PTPRN2: variants seen among roughly 807,000 people sequenced by gnomAD.
PTPRN2 encodes the protein receptor-type tyrosine-protein phosphatase N2.
Under a neutral mutation model 118.8 loss-of-function variants are expected in PTPRN2, and 74 were observed. The observed-to-expected ratio is 0.62, with a 90% CI of 0.52 to 0.76. PTPRN2 has a LOEUF of 0.76. Among genes scored for constraint, PTPRN2 ranks in the 30% least tolerant of loss-of-function variants. PTPRN2 has a pLI of 0.00. For missense variants in PTPRN2, 1,481 were observed against 1,394.4 expected, an observed-to-expected ratio of 1.06 and a Z score of -0.99; for synonymous variants, 641 against 608.0, an observed-to-expected ratio of 1.05 and a Z score of -0.80.
At chr7:158,060,626 C>G (rs764820072) in intron 11 of PTPRN2, among the ~76,000 whole-genome samples, 1 of 152,228 alleles carries the variant, frequency 6.6e-6, no homozygotes, top group Non-Finnish European at 1.5e-5. Context: ...CCACAGGTAG[C>G]AGGGGTTAGG....
At chr7:157,580,060 G>A (rs1800265827) in intron 17 of PTPRN2, among the ~76,000 whole-genome samples, 1 of 152,202 alleles carries the variant, frequency 6.6e-6, no homozygotes, top group Non-Finnish European at 1.5e-5. Context: ...TCCCAGTCGA[G>A]TAAGGTTCAA....
chr7:157,860,967 G>T (rs1810190263), intron 12 of PTPRN2, among the ~76,000 whole-genome samples: 1 of 152,254 alleles, frequency 6.6e-6, no homozygotes, highest in African/African-American at 2.4e-5. Context: ...CTGGCCCAAA[G>T]TTAATTAAAA....
In PTPRN2 at chr7:157,903,660, A is replaced by T. The variant is rs10282514; in HGVS notation, c.1724-4923T>A. On this transcript the variant is annotated intron_variant, in intron 11 of 22. Coordinates refer to ENST00000389418, the MANE Select transcript of PTPRN2 (RefSeq NM_002847.5). The surrounding 1 kb of genome is among the most constrained non-coding windows in gnomAD (Gnocchi z 4.2). ...TTTTTCTTTTTCCTTTTTTTTTTTTATACTAAAAGGTTTTAAGAGAGTACA... is the reference window on the plus strand; with the variant it reads ...TTTTTCTTTTTCCTTTTTTTTTTTTTTACTAAAAGGTTTTAAGAGAGTACA... 5.8e-4 allele frequency among the ~76,000 whole-genome samples: 87 copies of T among 148,778 alleles called. No homozygotes were observed. Among genetic ancestry groups the T allele is most frequent in the African/African-American group, 7.2e-4 (29 of 40,490 alleles).
chr7:158,268,684 A>G (rs1379392196), intron 3 of PTPRN2, among the ~76,000 whole-genome samples: 1 of 138,340 alleles, frequency 7.2e-6, no homozygotes, highest in Non-Finnish European at 1.5e-5. Flanking sequence ...GTGTGCACAC[A>G]GAGAGGGTGT....
Position 158,169,678 on chromosome 7 carries a change from G to A in PTPRN2, c.550-2387C>T, listed in dbSNP as rs550877083. 6.6e-5 allele frequency among the ~76,000 whole-genome samples: 10 copies of A among 151,976 alleles called. No homozygotes were observed. The East Asian group carries it at 7.8e-4, about 12-fold the overall frequency. On this transcript the variant is annotated intron_variant, in intron 5 of 22. Coordinates refer to ENST00000389418, the MANE Select transcript of PTPRN2 (RefSeq NM_002847.5). The stretch of plus-strand genomic sequence containing the variant: ...TTTTCTTCTGTCAAAAAAGGAAATC[G>A]GACATTATCTCTAAGATTTTTTTTT...
intron 6 of PTPRN2, among the ~76,000 whole-genome samples, chr7:158,153,659 T>A (rs1292313552): frequency 6.6e-6 from 1 of 152,170 alleles, no homozygotes; most frequent in Non-Finnish European, 1.5e-5. Context: ...GTGCCACAGA[T>A]ATGCAGGGTC....
chr7:158,286,663 G>A (rs1472594554), intron 3 of PTPRN2, among the ~76,000 whole-genome samples: 1 of 152,144 alleles, frequency 6.6e-6, no homozygotes, highest in African/African-American at 2.4e-5. Context: ...TAATAGAGTT[G>A]CATATATTGA....
At position 158,192,510 on chromosome 7, in the gene PTPRN2, G is replaced by C. The variant is rs1825855966; in HGVS notation, c.381-15C>G. 1 of 1,571,004 alleles carries C rather than the reference G, an allele frequency of 6.4e-7. No homozygotes were observed. Among genetic ancestry groups the C allele is most frequent in the South Asian group, 1.2e-5 (1 of 85,020 alleles). ...GTTTTGAGGGCCTGAAAAAGCAAAAGAAACCAGACATCAACCGCATGTTTG... is the reference window on the plus strand; with the variant it reads ...GTTTTGAGGGCCTGAAAAAGCAAAACAAACCAGACATCAACCGCATGTTTG... On this transcript the variant is annotated splice_polypyrimidine_tract_variant and intron_variant, in intron 4 of 22. Coordinates refer to ENST00000389418, the MANE Select transcript of PTPRN2 (RefSeq NM_002847.5).
At chr7:158,101,747 C>T (rs1815244721) in intron 10 of PTPRN2, among the ~76,000 whole-genome samples, 1 of 152,204 alleles carries the variant, frequency 6.6e-6, no homozygotes, top group African/African-American at 2.4e-5. Context: ...CACAGTAGTG[C>T]ACCCGTCAGC....
chr7:158,198,741 T>C (rs886675651), intron 4 of PTPRN2, among the ~76,000 whole-genome samples: 17 of 113,278 alleles, frequency 1.5e-4, no homozygotes, highest in Admixed American at 2.7e-4. Context: ...TAGCATGTTC[T>C]TCTCAGGTTC....
rs941497787 is a variant in PTPRN2 at position 158,517,818 on chromosome 7, C to T, written c.113-28033G>A. Among the ~76,000 whole-genome samples the T allele has an allele frequency of 6.6e-6, 1 of 152,162 alleles. No homozygotes were observed. The highest frequency in any genetic ancestry group is 1.5e-5 in the Non-Finnish European group (1 of 68,040). On this transcript the variant is annotated intron_variant, in intron 1 of 22. Coordinates refer to ENST00000389418, the MANE Select transcript of PTPRN2 (RefSeq NM_002847.5). This position sits in a 1 kb window ranked among gnomAD's most constrained non-coding sequence, Gnocchi z 5.3. Reference sequence around the variant, plus strand: ...GCAGGCCTCCCCAGGCACCTCCATCCCCTTCGTCACACATCCCACACACCC... The same window carrying T: ...GCAGGCCTCCCCAGGCACCTCCATCTCCTTCGTCACACATCCCACACACCC...
intron 3 of PTPRN2, among the ~76,000 whole-genome samples, chr7:158,293,464 T>C (rs1287844767): frequency 6.6e-6 from 1 of 151,702 alleles, no homozygotes; most frequent in African/African-American, 2.4e-5. Context: ...TAATCCCAGG[T>C]ACTCGGGAGG....
chr7:157,931,598 TG>T (rs1224161090), intron 11 of PTPRN2, among the ~76,000 whole-genome samples: 1 of 152,186 alleles, frequency 6.6e-6, no homozygotes, highest in Non-Finnish European at 1.5e-5. Flanking sequence ...CACAAGCCTC[TG>T]GGGGCTTCAG....
chr7:157,566,567 G>A (rs1585040882), intron 21 of PTPRN2, among the ~76,000 whole-genome samples: 1 of 152,320 alleles, frequency 6.6e-6, no homozygotes, highest in East Asian at 1.9e-4. Flanking sequence ...AGAGGAGCAG[G>A]TCAAGAACAG....
intron 11 of PTPRN2, among the ~76,000 whole-genome samples, chr7:157,985,497 C>T (rs756726857): frequency 3.3e-5 from 5 of 152,210 alleles, no homozygotes; most frequent in Non-Finnish European, 7.3e-5. Context: ...AGACATATCA[C>T]ACTATGTCAC....
At chr7:158,164,248 C>A (rs1384282573) in intron 6 of PTPRN2, among the ~76,000 whole-genome samples, 1 of 150,254 alleles carries the variant, frequency 6.7e-6, no homozygotes, top group African/African-American at 2.5e-5. Context: ...AGAGCAGGAG[C>A]GCACGCGTAG....
chr7:157,893,883 C>T lies in PTPRN2; in HGVS notation c.1788+4790G>A, dbSNP rs1796950790. Among the ~76,000 whole-genome samples, 1 of 152,138 alleles carries T rather than the reference C, an allele frequency of 6.6e-6. No individual in the cohort carries two copies. The highest frequency in any genetic ancestry group is 1.5e-5 in the Non-Finnish European group (1 of 68,020). ...TAGAACTCACGGAGGAGGAGCTGGT[C>T]GACTTGAAGGGAACAGAGATGGCCG... On this transcript the variant is annotated intron_variant, in intron 12 of 22. Transcript: ENST00000389418. This position sits in a 1 kb window ranked among gnomAD's most constrained non-coding sequence, Gnocchi z 4.0.
chr7:158,581,198 G>C (rs556664021), intron 1 of PTPRN2, among the ~76,000 whole-genome samples: 2 of 152,206 alleles, frequency 1.3e-5, no homozygotes, highest in Admixed American at 6.5e-5. Flanking sequence ...AGGCTCCAGA[G>C]ACCTAGGACC....
At position 157,976,442 on chromosome 7, in the gene PTPRN2, T is replaced by G. The variant is rs1002566621; in HGVS notation, c.1724-77705A>C. Among the ~76,000 whole-genome samples the G allele has an allele frequency of 1.8e-4, 27 of 151,994 alleles. No individual in the cohort carries two copies. The East Asian group carries it at 5.0e-3, about 28-fold the overall frequency. The stretch of plus-strand genomic sequence containing the variant: ...GAGGCTTCTTCCTCAGTTCCATGGG[T>G]TAAAATCCAGATGCAAGCCCCCCCC... On this transcript the variant is annotated intron_variant, in intron 11 of 22. Transcript: ENST00000389418.
Sources: allele counts gnomAD v4.1 joint callset (sites outside exome capture counted in the v4.1 genomes callset), GRCh38; gene constraint gnomAD v4.1.1; non-coding constraint Gnocchi (gnomAD v3.1); transcripts MANE v1.5; gene names NCBI Gene and HGNC (gene_info 2026-07-23, HGNC 2026-07-21).